The following PREX2 variants were observed in gnomAD, a reference collection of about 807,000 sequenced individuals.
PREX2 encodes phosphatidylinositol-3,4,5-trisphosphate dependent Rac exchange factor 2.
In PREX2, 107 loss-of-function variants were observed where a neutral mutation model predicts 203.2. The ratio of observed to expected loss-of-function variants is 0.53; its 90% CI spans 0.45 to 0.62. The LOEUF (loss-of-function observed/expected upper bound fraction) is 0.62, where lower values mean the gene tolerates loss of function less well. PREX2 is among the 20% of genes least tolerant of loss of function. The pLI, the probability that PREX2 is intolerant of heterozygous loss-of-function variation, is 0.00. For missense variants in PREX2, 1,777 were observed against 1,955.9 expected (o/e 0.91, Z 1.72); for synonymous variants, 672 against 663.6 (o/e 1.01, Z -0.19).
chr8:68,205,550 A>G (rs1812606324), intron 37 of PREX2, among the ~76,000 whole-genome samples: 1 of 152,206 alleles, frequency 6.6e-6, no homozygotes, highest in African/African-American at 2.4e-5. Context: ...CAACGTGGGG[A>G]TTGATCACTA....
At chr8:68,044,385 T>A in intron 7 of PREX2, 102 bp from the exon 8 acceptor site, 1 of 744,412 alleles carries the variant, frequency 1.3e-6, no homozygotes, top group Non-Finnish European at 2.3e-6. Flanking sequence ...TATTGTCGAT[T>A]GAATTGGTGT....
At chr8:68,204,252 CTA>C (rs1182861825) in intron 37 of PREX2, among the ~76,000 whole-genome samples, 1 of 152,162 alleles carries the variant, frequency 6.6e-6, no homozygotes, top group Non-Finnish European at 1.5e-5. Context: ...CTAATCACCT[CTA>C]TGCTAACCTC....
intron 15 of PREX2, among the ~76,000 whole-genome samples, chr8:68,080,107 AT>A (rs1809468220): frequency 6.6e-6 from 1 of 152,192 alleles, no homozygotes; most frequent in Non-Finnish European, 1.5e-5. Context: ...GGAGGCACGC[AT>A]TTTTGGATTC....
In PREX2 at chr8:68,235,156, T is replaced by C. The variant is rs1054764725; in HGVS notation, c.*3778T>C. 1 of 152,164 alleles carries C rather than the reference T, an allele frequency of 6.6e-6. No homozygotes were observed. Among genetic ancestry groups the C allele is most frequent in the Non-Finnish European group, 1.5e-5 (1 of 68,020 alleles). 9.4% of individuals were successfully genotyped at this position (152,164 alleles called of 1,614,324 possible). On this transcript the variant is annotated 3_prime_UTR_variant, in exon 40 of 40. Transcript: ENST00000288368. Reference sequence around the variant, plus strand: ...ATTTTGTTAGTTGAAGTAGATCTTTTCCTGTGTAGCATGATTTAATGCAGA... The same window carrying C: ...ATTTTGTTAGTTGAAGTAGATCTTTCCCTGTGTAGCATGATTTAATGCAGA...
intron 11 of PREX2, among the ~76,000 whole-genome samples, chr8:68,062,228 T>G (rs1808879051): frequency 1.3e-5 from 2 of 152,160 alleles, no homozygotes; most frequent in Non-Finnish European, 2.9e-5. Flanking sequence ...TTTTTTCTAG[T>G]CGCCGTCATC....
At position 68,217,645 on chromosome 8, in the gene PREX2, C is replaced by T. The variant is rs1812868899; in HGVS notation, c.4634C>T (p.Ala1545Val). The change falls in exon 38 of 40, where the codon GCC (alanine) becomes GTC (valine). Residue 1545 changes from alanine to valine, a missense_variant. Transcript: ENST00000288368. ...RCTLSVTLEQ[A>V]IILARSHGLP... ...ACCCTGAGCGTGACGCTGGAGCAAG[C>T]CATCATTCTGGCCAGAAGCCACGGA... 3 of 1,614,116 alleles carry T rather than the reference C, an allele frequency of 1.9e-6. No individual in the cohort carries two copies. Among genetic ancestry groups the T allele is most frequent in the Non-Finnish European group, 2.5e-6 (3 of 1,179,978 alleles).
chr8:67,961,289 T>A (rs969057896), intron 1 of PREX2, among the ~76,000 whole-genome samples: 2 of 152,040 alleles, frequency 1.3e-5, no homozygotes, highest in Non-Finnish European at 2.9e-5. Context: ...ATTTTATTTA[T>A]ATTTACTTTT....
chr8:68,116,778 T>G (rs190381712), intron 26 of PREX2, among the ~76,000 whole-genome samples: 2 of 152,218 alleles, frequency 1.3e-5, no homozygotes, highest in Non-Finnish European at 2.9e-5. Flanking sequence ...AGTCACATTC[T>G]GAGGTACTAG....
Position 68,145,408 on chromosome 8 carries a change from A to G in PREX2, c.4088-801A>G, listed in dbSNP as rs60012169. ...GAACTCTACTTTTATATACAGTTTT[A>G]TTTCAAGAAGCAGGTCAGAAGTTAT... On this transcript the variant is annotated intron_variant, in intron 33 of 39. Transcript: ENST00000288368. Among the ~76,000 whole-genome samples the G allele has an allele frequency of 1.3e-4, 20 of 152,294 alleles. No individual in the cohort carries two copies. The East Asian group carries it at 3.7e-3, about 28-fold the overall frequency.
At position 68,109,744 on chromosome 8, in the gene PREX2, T is replaced by C. The variant is rs966914952; in HGVS notation, c.3146+121T>C. 6 of 769,474 alleles carry C rather than the reference T, an allele frequency of 7.8e-6. No homozygotes were observed. In the African/African-American group the frequency reaches 1.1e-4, roughly 14 times the overall value. The allele number at this position is 769,474 out of a possible 1,614,324, so 47.7% of individuals were successfully genotyped here. ...AAATTTAGGAGATTTGTGCTGATTA[T>C]ATAGATCCTCTTCATTCCAAAACCT... On this transcript the variant is annotated intron_variant, in intron 25 of 39. Transcript: ENST00000288368.
At chr8:68,037,422 A>G (rs1808066092) in intron 6 of PREX2, among the ~76,000 whole-genome samples, 1 of 152,138 alleles carries the variant, frequency 6.6e-6, no homozygotes, top group Non-Finnish European at 1.5e-5. Flanking sequence ...TGCATCTCCC[A>G]CCACAGTCCG....
intron 1 of PREX2, among the ~76,000 whole-genome samples, chr8:67,971,324 A>G (rs781466054): frequency 6.6e-6 from 1 of 152,174 alleles, no homozygotes; most frequent in Non-Finnish European, 1.5e-5. Context: ...CAGAAAGACT[A>G]AATCGGTGAG....
At chr8:68,106,109 C>G (rs1172986877) in intron 23 of PREX2, 2 of 320,670 alleles carry the variant, frequency 6.2e-6, no homozygotes, top group South Asian at 2.5e-5. Context: ...GGAATAGATG[C>G]CTCTCTTCTT....
chr8:67,952,247 C>A lies in PREX2; in HGVS notation c.-148C>A. 3.3e-6 allele frequency: 2 copies of A among 610,954 alleles called. No individual in the cohort carries two copies. Among genetic ancestry groups the A allele is most frequent in the South Asian group, 6.0e-5 (1 of 16,604 alleles). 37.8% of individuals were successfully genotyped at this position (610,954 alleles called of 1,614,324 possible). On this transcript the variant is annotated 5_prime_UTR_variant, in exon 1 of 40. Coordinates refer to ENST00000288368, the MANE Select transcript of PREX2 (RefSeq NM_024870.4). The stretch of plus-strand genomic sequence containing the variant: ...CCCCTCCTCTCCCTGCGCCCAGCCT[C>A]TCCCCAGCATGTAAAGTCTTCTGTC...
At chr8:68,039,291 T>TA (rs1275299007) in intron 7 of PREX2, among the ~76,000 whole-genome samples, 1 of 152,178 alleles carries the variant, frequency 6.6e-6, no homozygotes, top group Non-Finnish European at 1.5e-5. Context: ...CTGTGCTTCT[T>TA]ACTCCAGTGG....
At chr8:68,095,563 ATG>A (rs35447297) in intron 21 of PREX2, among the ~76,000 whole-genome samples, 66,179 of 145,276 alleles carry the variant, frequency 0.46, 15,467 homozygotes, top group African/African-American at 0.57. Flanking sequence ...GTGTGTATCT[ATG>A]TGTGTGTGTG....
chr8:68,130,255 A>G (rs191605579), intron 31 of PREX2, among the ~76,000 whole-genome samples: 233 of 152,004 alleles, frequency 1.5e-3, no homozygotes, highest in African/African-American at 5.2e-3. Flanking sequence ...GTGCCACTGT[A>G]CTCCAGCCTG....
At chr8:68,017,943 C>T (rs190290881) in intron 2 of PREX2, 26 bp downstream of exon 2, 4 of 1,587,116 alleles carry the variant, frequency 2.5e-6, no homozygotes, top group Admixed American at 1.7e-5. Context: ...TGGCCTTCAA[C>T]CTGAGCATGA....
At position 68,021,037 on chromosome 8, in the gene PREX2, G is replaced by T. The variant is rs139458754; in HGVS notation, c.337-999G>T. 9.0e-3 allele frequency among the ~76,000 whole-genome samples: 1,364 copies of T among 152,206 alleles called. 12 individuals carry two copies. The highest frequency in any genetic ancestry group is 0.027 in the African/African-American group (1,130 of 41,530). ...AACATTTGATCAGTAAATTTTTTGTGTCTTTCTTTTATTGGTACTCTTTTG... is the reference window on the plus strand; with the variant it reads ...AACATTTGATCAGTAAATTTTTTGTTTCTTTCTTTTATTGGTACTCTTTTG... On this transcript the variant is annotated intron_variant, in intron 3 of 39. Transcript: ENST00000288368.
Sources: gnomAD v4.1 joint callset for allele counts (sites outside exome capture counted in the v4.1 genomes callset) on GRCh38, gnomAD v4.1.1 for gene constraint, MANE v1.5 for transcripts, NCBI Gene and HGNC (gene_info 2026-07-23, HGNC 2026-07-21) for gene names.